The following SERPINA12 variants were observed in gnomAD, a reference collection of about 807,000 sequenced individuals.
SERPINA12 encodes serpin family A member 12.
SERPINA12 carries 21 observed loss-of-function variants against 25.9 expected under a neutral mutation model. The observed-to-expected ratio is 0.81, with a 90% confidence interval of 0.58 to 1.17. The LOEUF (loss-of-function observed/expected upper bound fraction) is 1.17. SERPINA12 is among the 50% of genes most tolerant of loss of function. The pLI is 0.00. For synonymous variants in SERPINA12, 220 were observed against 196.0 expected (o/e 1.12, Z -1.02); for missense variants, 562 against 508.3 (o/e 1.11, Z -1.02).
chr14:94,509,997 C>G (rs1901067065), upstream of SERPINA12: 12 of 985,426 alleles, frequency 1.2e-5, no homozygotes, highest in South Asian at 5.6e-4. Flanking sequence ...CTCCCAGGTG[C>G]AGCCTGGGAG....
In SERPINA12 at chr14:94,498,307, T is replaced by C; in HGVS notation, c.91A>G (p.Lys31Glu). 1 of 1,614,212 alleles carries C rather than the reference T, an allele frequency of 6.2e-7. No homozygotes were observed. Among genetic ancestry groups the C allele is most frequent in the African/African-American group, 1.3e-5 (1 of 75,068 alleles). ...CATCCTTGGACCTCGCTCAAAGCTT[T>C]ATAATTCCTTGGTGAGAAGCTCGGC... Reference protein sequence around the residue: ...LKPSFSPRNYKALSEVQGWKQ... With the variant: ...LKPSFSPRNYEALSEVQGWKQ... Residue 31 changes from lysine to glutamate, a missense_variant, in exon 2 of 5, where the codon AAA becomes GAA. Transcript: ENST00000677451.
Position 94,496,548 on chromosome 14 carries a change from T to C in SERPINA12, c.730A>G (p.Ser244Gly). 2 of 1,614,132 alleles carry C rather than the reference T, an allele frequency of 1.2e-6. No homozygotes were observed. Among genetic ancestry groups the C allele is most frequent in the Non-Finnish European group, 1.7e-6 (2 of 1,179,994 alleles). ...SSVKVPMMFRSGIYQVGYDDK... is the reference protein window; with the variant it reads ...SSVKVPMMFRGGIYQVGYDDK... ...TCATAGCCAACTTGGTATATGCCAC[T>C]ACGGAACATCATGGGCACCTTGACT... The change falls in exon 3 of 5, where the codon AGT (serine) becomes GGT (glycine). Residue 244 changes from serine to glycine, a missense_variant. Physicochemically the swap from Ser to Gly is moderately conservative, Grantham distance 56. Coordinates refer to ENST00000677451, the MANE Select transcript of SERPINA12 (RefSeq NM_001382267.1).
rs760973985 is a variant in SERPINA12 at position 94,487,458 on chromosome 14, C to G, written c.1090G>C (p.Gly364Arg). ...HKAELKMDER[G>R]TEGAAGTGAQ... ...CCGGTGCCAGCGGCCCCTTCCGTAC[C>G]CCTCTCATCCATCTTCAGCTCAGCC... Residue 364 changes from glycine to arginine, a missense_variant, in exon 5 of 5, where the codon GGT becomes CGT. Coordinates refer to ENST00000677451, the MANE Select transcript of SERPINA12 (RefSeq NM_001382267.1). 1 of 1,613,744 alleles carries G rather than the reference C, an allele frequency of 6.2e-7. No homozygotes were observed. The highest frequency in any genetic ancestry group is 8.5e-7 in the Non-Finnish European group (1 of 1,179,936).
intron 2 of SERPINA12, among the ~76,000 whole-genome samples, chr14:94,514,796 T>C (rs1313925097): frequency 3.9e-5 from 6 of 152,130 alleles, no homozygotes; most frequent in South Asian, 2.1e-4. Flanking sequence ...TCTGTAGTTA[T>C]TTGACTCAGG....
At chr14:94,494,964 T>A (rs1292382410) in intron 3 of SERPINA12, among the ~76,000 whole-genome samples, 3 of 151,876 alleles carry the variant, frequency 2.0e-5, no homozygotes, top group Non-Finnish European at 4.4e-5. Context: ...ACTATGCAGA[T>A]CTCAAGGGAT....
intron 1 of SERPINA12, chr14:94,503,530 C>T (rs1900818643): frequency 6.5e-6 from 1 of 154,542 alleles, no homozygotes; most frequent in Admixed American, 6.5e-5. Flanking sequence ...ACCTGGTCCT[C>T]CTCCCCTTCC....
At position 94,495,007 on chromosome 14, in the gene SERPINA12, T is replaced by C. The variant is rs1900336201; in HGVS notation, c.905+1366A>G. 2.0e-5 allele frequency among the ~76,000 whole-genome samples: 3 copies of C among 151,500 alleles called. No homozygotes were observed. The South Asian group carries it at 6.3e-4, about 32-fold the overall frequency. On this transcript the variant is annotated intron_variant, in intron 3 of 4. Coordinates refer to ENST00000677451, the MANE Select transcript of SERPINA12 (RefSeq NM_001382267.1). Reference sequence around the variant, plus strand: ...CTCTTGGGATGCTCTGCTACTTGGCTCCTCCATCCCAGTACCATGACTTAA... The same window carrying C: ...CTCTTGGGATGCTCTGCTACTTGGCCCCTCCATCCCAGTACCATGACTTAA...
chr14:94,491,494 G>T (rs1900177800), intron 3 of SERPINA12, among the ~76,000 whole-genome samples: 1 of 152,098 alleles, frequency 6.6e-6, no homozygotes, highest in African/African-American at 2.4e-5. Flanking sequence ...TATACTCTTG[G>T]TGGTGGTGGT....
chr14:94,496,691 G>A (rs149982703), intron 2 of SERPINA12, 48 bp from the exon 3 acceptor site: 18 of 1,558,256 alleles, frequency 1.2e-5, no homozygotes, highest in Non-Finnish European at 1.6e-5. Context: ...AGGGAAAAAA[G>A]GTGACTAAAT....
chr14:94,489,133 AAGAGAG>A (rs368739327), intron 4 of SERPINA12, among the ~76,000 whole-genome samples: 2 of 145,688 alleles, frequency 1.4e-5, no homozygotes, highest in Non-Finnish European at 3.0e-5. Flanking sequence ...GGAAGGAAGG[AAGAGAG>A]AGAGAGAGAG....
At chr14:94,493,152 C>T (rs1900248448) in intron 3 of SERPINA12, among the ~76,000 whole-genome samples, 1 of 152,194 alleles carries the variant, frequency 6.6e-6, no homozygotes, top group Non-Finnish European at 1.5e-5. Context: ...TAGCGGGCCA[C>T]TGAGCTCTCT....
intron 4 of SERPINA12, 92 bp from the exon 5 acceptor site, chr14:94,487,586 C>T: frequency 8.7e-7 from 1 of 1,145,886 alleles, no homozygotes; most frequent in Non-Finnish European, 1.2e-6. Context: ...AGGAAGACCA[C>T]TTGGCCCAAG....
intron 1 of SERPINA12, among the ~76,000 whole-genome samples, chr14:94,498,933 A>T (rs142551463): frequency 6.6e-6 from 1 of 152,302 alleles, no homozygotes; most frequent in African/African-American, 2.4e-5. Context: ...CATGGTTTCC[A>T]CATGTAGAAG....
At chr14:94,495,970 T>C (rs755552666) in intron 3 of SERPINA12, among the ~76,000 whole-genome samples, 54 of 152,362 alleles carry the variant, frequency 3.5e-4, no homozygotes, top group Admixed American at 7.2e-4. Context: ...GGTTTTGTTG[T>C]GACACCACAG....
chr14:94,489,702 G>A lies in SERPINA12; in HGVS notation c.971C>T (p.Ser324Phe), dbSNP rs376326499. ...AAAGATTTTGGAGACACCTATGTAG[G>A]AGAGAGTCTTCTTCAGGTCGAAGGT... ...TGTFDLKKTL[S>F]YIGVSKIFEE... is the part of the protein sequence containing the mutation. The change falls in exon 4 of 5, where the codon TCC becomes TTC. Residue 324 changes from serine to phenylalanine, a missense_variant. Transcript: ENST00000677451. The A allele has an allele frequency of 5.0e-6, 8 of 1,613,880 alleles. No homozygotes were observed. In the African/African-American group the frequency reaches 1.1e-4, roughly 22 times the overall value.
At chr14:94,497,640 G>A (rs1900492778) in intron 2 of SERPINA12, 124 bp downstream of exon 2, 1 of 841,136 alleles carries the variant, frequency 1.2e-6, no homozygotes, top group Admixed American at 2.8e-5. Context: ...GGAAAAGTGA[G>A]GTTTTGAGAG....
upstream of SERPINA12, chr14:94,511,676 C>T: frequency 2.0e-6 from 2 of 985,446 alleles, no homozygotes; most frequent in Non-Finnish European, 2.4e-6. Context: ...TTTCCCTCAT[C>T]CTCCTTTCCT....
intron 2 of SERPINA12, chr14:94,515,709 CAG>C (rs1467076861): frequency 6.6e-6 from 1 of 152,470 alleles, no homozygotes; most frequent in East Asian, 1.9e-4. Context: ...TGCGGGCAAA[CAG>C]TGCAGATGCG....
At chr14:94,490,399 C>T (rs72692887) in intron 3 of SERPINA12, among the ~76,000 whole-genome samples, 26,612 of 151,918 alleles carry the variant, frequency 0.18, 2,572 homozygotes, top group African/African-American at 0.25. Context: ...GCCTCCTGCC[C>T]GGAGCCTGGG....
Sources: allele counts gnomAD v4.1 joint callset (sites outside exome capture counted in the v4.1 genomes callset), GRCh38; gene constraint gnomAD v4.1.1; transcripts MANE v1.5; gene names NCBI Gene and HGNC (gene_info 2026-07-23, HGNC 2026-07-21).